The following RNF212 variants were observed in gnomAD, a reference collection of about 807,000 sequenced individuals.
RNF212 encodes the protein probable E3 SUMO-protein ligase RNF212.
Under a neutral mutation model 34.7 loss-of-function variants are expected in RNF212, and 33 were observed. That is an observed-to-expected ratio of 0.95 (90% CI 0.72 to 1.27). RNF212 has a LOEUF of 1.27. Ranked by LOEUF, RNF212 falls within the 50% of genes most tolerant of loss-of-function variation. The probability of loss-of-function intolerance (pLI) is 0.00; values close to 1 mark genes in which losing one functional copy is unlikely to be tolerated. For missense variants in RNF212, 377 were observed against 362.2 expected (o/e 1.04, Z -0.33); for synonymous variants, 140 against 136.1 (o/e 1.03, Z -0.20).
chr4:1,061,938 G>A lies in RNF212; in HGVS notation n.148-3545C>T, dbSNP rs1366366383. Among the ~76,000 whole-genome samples the A allele has an allele frequency of 2.6e-5, 4 of 152,192 alleles. No homozygotes were observed. The Middle Eastern group carries it at 9.5e-3, about 361-fold the overall frequency. ...AAGCGTGACCACACTCAGGGAAAAGGGCAGATGGCAGAGGCCCACGCTGTG... is the reference window on the plus strand; with the variant it reads ...AAGCGTGACCACACTCAGGGAAAAGAGCAGATGGCAGAGGCCCACGCTGTG... On this transcript the variant is annotated intron_variant and non_coding_transcript_variant, in intron 3 of 4. Transcript: ENST00000503206.
intron 3 of RNF212, 178 bp downstream of exon 3, chr4:1,096,587 T>G: frequency 1.9e-6 from 1 of 517,106 alleles, no homozygotes; most frequent in African/African-American, 3.7e-5. Context: ...CACAGCTCCA[T>G]GGTCTCGGGA....
At chr4:1,070,498 G>GA (rs2153035007), downstream of RNF212, among the ~76,000 whole-genome samples, 2 of 88,320 alleles carry the variant, frequency 2.3e-5, no homozygotes, top group South Asian at 8.3e-4. Context: ...TGCCTGGCCT[G>GA]AGTTGTGGGT....
chr4:1,101,228 C>T, intron 2 of RNF212: 2 of 312,838 alleles, frequency 6.4e-6, no homozygotes, highest in Non-Finnish European at 1.3e-5. Flanking sequence ...GGCATCTCTA[C>T]ACACCCCATC....
In RNF212 at chr4:1,073,174, A is replaced by G; in HGVS notation, c.594T>C (p.Ser198=). 7 of 1,614,032 alleles carry G rather than the reference A, an allele frequency of 4.3e-6. No homozygotes were observed. The highest frequency in any genetic ancestry group is 5.9e-6 in the Non-Finnish European group (7 of 1,179,910). Residue 198 remains serine, a synonymous_variant, in exon 10 of 10, where the codon TCT becomes TCC. Transcript: ENST00000433731. ...AGGTCAACCATGGGATGAAACAGAA[A>G]GAAGCTGTTAGATGTGGCCCTGCGG... ...DGRMGPHLTA[S]FCFIPWLTLS...
At chr4:1,093,218 G>T in intron 3 of RNF212, 1 of 331,120 alleles carries the variant, frequency 3.0e-6, no homozygotes, top group South Asian at 8.1e-5. Context: ...GGCCAGTTTT[G>T]CACTCTTAAA....
At position 1,072,737 on chromosome 4, in the gene RNF212, T is replaced by C. The variant is rs1327266899; in HGVS notation, c.*137A>G. On this transcript the variant is annotated 3_prime_UTR_variant, in exon 10 of 10. Transcript: ENST00000433731. ...GTCAAATATAAAATTACAAAGCAAA[T>C]TGGGTAAAAGGTTAATATCCTGCAC... 2.8e-6 allele frequency: 4 copies of C among 1,419,704 alleles called. No individual in the cohort carries two copies. Among genetic ancestry groups the C allele is most frequent in the African/African-American group, 2.9e-5 (2 of 69,342 alleles). The allele number at this position is 1,419,704 out of a possible 1,614,324, so 87.9% of individuals were successfully genotyped here.
intron 8 of RNF212, among the ~76,000 whole-genome samples, chr4:1,077,170 G>A (rs1288830390): frequency 9.2e-5 from 14 of 152,212 alleles, no homozygotes; most frequent in Admixed American, 9.2e-4. Context: ...GGAGGTTGCA[G>A]TGAGCCGAGA....
At chr4:1,084,543 A>G (rs751936580) in intron 5 of RNF212, among the ~76,000 whole-genome samples, 1 of 151,896 alleles carries the variant, frequency 6.6e-6, no homozygotes, top group Admixed American at 6.6e-5. Flanking sequence ...TAGCCTGGGT[A>G]ACATAGTGAG....
intron 3 of RNF212, chr4:1,094,018 T>C: frequency 6.6e-7 from 1 of 1,520,642 alleles, no homozygotes; most frequent in South Asian, 1.2e-5. Context: ...TGAGATACTG[T>C]GGGTGATTCA....
chr4:1,113,384 G>A lies in RNF212; in HGVS notation c.81C>T (p.His27=), dbSNP rs375249286. The A allele has an allele frequency of 8.2e-6, 13 of 1,580,186 alleles. No homozygotes were observed. Among genetic ancestry groups the A allele is most frequent in the African/African-American group, 5.6e-5 (4 of 70,946 alleles). The change falls in exon 1 of 10, where the codon CAC becomes CAT. Residue 27 remains histidine (H), a synonymous_variant. Coordinates refer to ENST00000433731, the MANE Select transcript of RNF212 (RefSeq NM_001131034.4). ...TGCCGAGGCAGGCGTCGCAGTACAC[G>A]TGCCCGCAGTTGGTGAGGCTGAAGC... ...TSCFSLTNCG[H]VYCDACLGKG...
chr4:1,101,773 G>C (rs1214730785), intron 2 of RNF212, among the ~76,000 whole-genome samples: 1 of 152,120 alleles, frequency 6.6e-6, no homozygotes, highest in Non-Finnish European at 1.5e-5. Context: ...TTCCTTCTCA[G>C]CGCAAAAATA....
intron 4 of RNF212, among the ~76,000 whole-genome samples, chr4:1,086,548 G>A (rs965229835): frequency 6.7e-5 from 8 of 118,940 alleles, no homozygotes; most frequent in Non-Finnish European, 1.4e-4. Context: ...AGTATGATGG[G>A]GCTGTGGTGG....
chr4:1,111,799 T>C (rs1157717657), intron 1 of RNF212, among the ~76,000 whole-genome samples: 1 of 152,064 alleles, frequency 6.6e-6, no homozygotes, highest in Non-Finnish European at 1.5e-5. Flanking sequence ...AGATTCACAG[T>C]AGCATTATTT....
At chr4:1,061,724 T>C (rs535884790) in intron 3 of RNF212, among the ~76,000 whole-genome samples, 19 of 152,188 alleles carry the variant, frequency 1.2e-4, no homozygotes, top group South Asian at 8.3e-4. Flanking sequence ...GCAGAAACCA[T>C]GAGCGGACAC....
rs146161994 is a variant in RNF212, at chr4:1,096,804, T to C, written c.207A>G (p.Ile69Met). 474 of 1,613,752 alleles carry C rather than the reference T, an allele frequency of 2.9e-4. No homozygotes were observed. The highest frequency in any genetic ancestry group is 3.8e-4 in the Non-Finnish European group (452 of 1,179,598). The change falls in exon 3 of 10, where the codon ATA (isoleucine) becomes ATG (methionine). Residue 69 changes from isoleucine (I) to methionine (M), a missense_variant. By Grantham distance (10) the Ile-to-Met change is conservative. Coordinates refer to ENST00000433731, the MANE Select transcript of RNF212 (RefSeq NM_001131034.4). ...DADIQAFFMSIDSLCKKYSRE... is the reference protein window; with the variant it reads ...DADIQAFFMSMDSLCKKYSRE... The stretch of plus-strand genomic sequence containing the variant: ...TGGAGTACTTCTTACACAGACTGTC[T>C]ATGCTCATGAAGAATGCCTGGATAT...
Position 1,113,485 on chromosome 4 carries a change from G to T in RNF212, c.-21C>A. On this transcript the variant is annotated 5_prime_UTR_variant, in exon 1 of 10. Coordinates refer to ENST00000433731, the MANE Select transcript of RNF212 (RefSeq NM_001131034.4). ...GCCATGCCAGGCGGGCGACCGCAGC[G>T]GCGAGGCCGGGCCCACGCGAAGCCC... 3 of 1,593,420 alleles carry T rather than the reference G, an allele frequency of 1.9e-6. No homozygotes were observed. Among genetic ancestry groups the T allele is most frequent in the Non-Finnish European group, 2.6e-6 (3 of 1,167,272 alleles).
chr4:1,113,286 A>C (rs911606439), intron 1 of RNF212, 70 bp downstream of exon 1: 116 of 21,730 alleles, frequency 5.3e-3, no homozygotes, highest in East Asian at 6.9e-3. Flanking sequence ...CAAGTCCCCC[A>C]TCCCCCGGAG....
Position 1,058,275 on chromosome 4 carries a change from CGGG to C in RNF212, n.220+43_220+45del. 2.8e-5 allele frequency: 19 copies of C among 672,660 alleles called. 1 individual carries two copies. Among genetic ancestry groups the C allele is most frequent in the Non-Finnish European group, 3.3e-5 (18 of 549,444 alleles). The allele number at this position is 672,660 out of a possible 1,614,324, so 41.7% of individuals were successfully genotyped here. On this transcript the variant is annotated intron_variant and non_coding_transcript_variant, in intron 4 of 4. Coordinates refer to the RNF212 transcript ENST00000503206. ...TAGAACGCTGTGAAGAAGGTGCTTG[CGGG>C]GGTTAGAACGCAGTGAAGAAGGTGC...
intron 2 of RNF212, among the ~76,000 whole-genome samples, chr4:1,098,830 C>A (rs774105052): frequency 6.6e-6 from 1 of 152,150 alleles, no homozygotes; most frequent in Non-Finnish European, 1.5e-5. Flanking sequence ...CATGTGAGTG[C>A]GCAGGGAGCG....
Sources: gnomAD v4.1 joint callset for allele counts (sites outside exome capture counted in the v4.1 genomes callset) on GRCh38, gnomAD v4.1.1 for gene constraint, MANE v1.5 for transcripts, NCBI Gene and HGNC (gene_info 2026-07-23, HGNC 2026-07-21) for gene names.